The following PTTG1IP2 variants were observed in gnomAD, a reference collection of about 807,000 sequenced individuals.
PTTG1IP2 encodes PTTG1IP family member 2.
chr7:90,507,104 C>T (rs1798133023), intron 6 of PTTG1IP2, among the ~76,000 whole-genome samples: 1 of 152,154 alleles, frequency 6.6e-6, no homozygotes, highest in Non-Finnish European at 1.5e-5. Flanking sequence ...GGAGGACCAG[C>T]ACTTGTTTTT....
At chr7:90,472,440 A>T (rs1328843438) in intron 1 of PTTG1IP2, among the ~76,000 whole-genome samples, 16 of 152,216 alleles carry the variant, frequency 1.1e-4, no homozygotes. Context: ...CTCGAAGTCG[A>T]TAGCAAGATA....
At chr7:90,504,820 A>C (rs1457404019) in intron 6 of PTTG1IP2, among the ~76,000 whole-genome samples, 3 of 152,202 alleles carry the variant, frequency 2.0e-5, no homozygotes, top group Non-Finnish European at 4.4e-5. Context: ...CTCATGGCTG[A>C]TTATGTGTGC....
intron 6 of PTTG1IP2, among the ~76,000 whole-genome samples, chr7:90,497,742 A>AAAAAGAAG (rs1554407474): frequency 6.1e-4 from 83 of 135,626 alleles, no homozygotes; most frequent in Non-Finnish European, 1.1e-3. Flanking sequence ...AAAAAAAAAA[A>AAAAAGAAG]AAGAAGAAGA....
chr7:90,480,506 T>C (rs929557081), intron 2 of PTTG1IP2, among the ~76,000 whole-genome samples: 1 of 152,170 alleles, frequency 6.6e-6, no homozygotes, highest in Non-Finnish European at 1.5e-5. Context: ...TAATGTATGC[T>C]CTTCCCCTCT....
At chr7:90,504,396 A>C (rs1255678184) in intron 6 of PTTG1IP2, among the ~76,000 whole-genome samples, 1 of 152,150 alleles carries the variant, frequency 6.6e-6, no homozygotes, top group Non-Finnish European at 1.5e-5. Context: ...ATTTTCACCT[A>C]GAACAGTAAG....
Position 90,494,394 on chromosome 7 carries a change from G to A in PTTG1IP2, c.*14G>A, listed in dbSNP as rs1182606762. 1 of 152,132 alleles carries A rather than the reference G, an allele frequency of 6.6e-6. No homozygotes were observed. Among genetic ancestry groups the A allele is most frequent in the East Asian group, 1.9e-4 (1 of 5,194 alleles). The allele number at this position is 152,132 out of a possible 1,614,324, so 9.4% of individuals were successfully genotyped here. A position where few individuals can be genotyped will look rare whatever the true frequency, so the allele number is the denominator to read the frequency against. ...TATGATGAATAGATAATTGAAAAGA[G>A]ATCCTCCAGAAAGAGCAGAAGGAAG... On this transcript the variant is annotated 3_prime_UTR_variant, in exon 6 of 7. Transcript: ENST00000509356.
At chr7:90,510,228 A>G (rs1429904555) in intron 6 of PTTG1IP2, among the ~76,000 whole-genome samples, 6 of 152,232 alleles carry the variant, frequency 3.9e-5, no homozygotes, top group Admixed American at 3.9e-4. Flanking sequence ...GGTACTGTTA[A>G]AATTAAATTT....
chr7:90,491,614 C>G (rs76897371), intron 4 of PTTG1IP2, among the ~76,000 whole-genome samples: 30,437 of 149,756 alleles, frequency 0.2, 3,621 homozygotes, highest in East Asian at 0.56. Flanking sequence ...CATAGCGAGA[C>G]TCCATCTAAG....
At chr7:90,479,949 T>A (rs1286327915) in intron 2 of PTTG1IP2, among the ~76,000 whole-genome samples, 2 of 152,204 alleles carry the variant, frequency 1.3e-5, no homozygotes, top group Non-Finnish European at 2.9e-5. Flanking sequence ...CTGCCCTGTC[T>A]TATCTTCCTC....
At chr7:90,512,132 T>G (rs1359727182) in intron 6 of PTTG1IP2, among the ~76,000 whole-genome samples, 3 of 152,188 alleles carry the variant, frequency 2.0e-5, no homozygotes, top group Admixed American at 6.6e-5. Flanking sequence ...AAAAGATAGC[T>G]CCAAGTAGAA....
At chr7:90,505,241 A>G (rs955229034) in intron 6 of PTTG1IP2, among the ~76,000 whole-genome samples, 11 of 152,208 alleles carry the variant, frequency 7.2e-5, no homozygotes, top group African/African-American at 2.4e-4. Context: ...GAAAAAGGCA[A>G]TAATATTTTC....
intron 1 of PTTG1IP2, among the ~76,000 whole-genome samples, chr7:90,471,879 T>A (rs1427627746): frequency 1.3e-5 from 2 of 152,098 alleles, no homozygotes; most frequent in Non-Finnish European, 2.9e-5. Flanking sequence ...CAAGCTGGAT[T>A]TGAGGGTGGA....
chr7:90,512,543 G>C (rs546914132), intron 6 of PTTG1IP2, among the ~76,000 whole-genome samples: 1 of 152,130 alleles, frequency 6.6e-6, no homozygotes, highest in South Asian at 2.1e-4. Context: ...AGAAATATTC[G>C]GGGATAAGAT....
intron 6 of PTTG1IP2, among the ~76,000 whole-genome samples, chr7:90,507,606 G>A (rs1461869646): frequency 6.6e-6 from 1 of 152,120 alleles, no homozygotes; most frequent in Non-Finnish European, 1.5e-5. Context: ...TGAAGTAGAA[G>A]GAGCTCAATC....
chr7:90,491,851 C>T (rs1009904718), intron 4 of PTTG1IP2, among the ~76,000 whole-genome samples: 3 of 152,036 alleles, frequency 2.0e-5, no homozygotes, highest in African/African-American at 7.2e-5. Flanking sequence ...TTGCATAAGA[C>T]CAGGTGCAGT....
At chr7:90,509,414 G>A (rs1346441151) in intron 6 of PTTG1IP2, among the ~76,000 whole-genome samples, 1 of 152,152 alleles carries the variant, frequency 6.6e-6, no homozygotes, top group Non-Finnish European at 1.5e-5. Flanking sequence ...AGAGTCCCTG[G>A]AAGAGACCCC....
At chr7:90,507,334 A>G (rs1243770300) in intron 6 of PTTG1IP2, among the ~76,000 whole-genome samples, 1 of 152,178 alleles carries the variant, frequency 6.6e-6, no homozygotes, top group African/African-American at 2.4e-5. Flanking sequence ...AGCATTTTTG[A>G]GGAGTTAGGG....
At chr7:90,497,106 A>G (rs1798000960) in intron 6 of PTTG1IP2, among the ~76,000 whole-genome samples, 1 of 152,220 alleles carries the variant, frequency 6.6e-6, no homozygotes, top group African/African-American at 2.4e-5. Context: ...GTGGCCTAAC[A>G]TATGGTCTAC....
At chr7:90,474,749 G>A (rs1797727893) in intron 1 of PTTG1IP2, among the ~76,000 whole-genome samples, 1 of 152,138 alleles carries the variant, frequency 6.6e-6, no homozygotes, top group Middle Eastern at 3.2e-3. Context: ...CACAGAGGTG[G>A]AAATAGCCTA....
Sources: gnomAD v4.1 joint callset for allele counts (sites outside exome capture counted in the v4.1 genomes callset) on GRCh38, gnomAD v4.1.1 for gene constraint, MANE v1.5 for transcripts, NCBI Gene and HGNC (gene_info 2026-07-23, HGNC 2026-07-21) for gene names.